Variants in SLC35G3 observed in about 807,000 individuals in gnomAD.
SLC35G3 encodes the protein solute carrier family 35 member G3.
In SLC35G3, 10 loss-of-function variants were observed where a neutral mutation model predicts 17.9. The ratio of observed to expected loss-of-function variants is 0.56; its 90% CI spans 0.34 to 0.95. SLC35G3 has a LOEUF of 0.95. Ranked by LOEUF, SLC35G3 falls within the 40% of genes least tolerant of loss-of-function variation. The pLI, the probability that SLC35G3 is intolerant of heterozygous loss-of-function variation, is 0.02. For missense variants in SLC35G3, 384 were observed against 433.6 expected, an observed-to-expected ratio of 0.89 and a Z score of 1.02; for synonymous variants, 208 against 197.7, an observed-to-expected ratio of 1.05 and a Z score of -0.44.
At position 35,193,058 on chromosome 17, in the gene SLC35G3, A is replaced by T. The variant is rs12947041; in HGVS notation, c.*233T>A. Reference sequence around the variant, plus strand: ...ATCTGCTCCTCAGACTTTACCCCTTAGTTATGCCCTGATTCTAGGACCCAG... The same window carrying T: ...ATCTGCTCCTCAGACTTTACCCCTTTGTTATGCCCTGATTCTAGGACCCAG... On this transcript the variant is annotated 3_prime_UTR_variant, in exon 1 of 1. Transcript: ENST00000297307. 1.3e-6 allele frequency: 1 copy of T among 746,094 alleles called. No homozygotes were observed. The highest frequency in any genetic ancestry group is 2.1e-6 in the Non-Finnish European group (1 of 472,354). 46.2% of individuals were successfully genotyped at this position (746,094 alleles called of 1,614,324 possible).
At position 35,193,838 on chromosome 17, in the gene SLC35G3, T is replaced by C; in HGVS notation, c.470A>G (p.Tyr157Cys). Reference sequence around the variant, plus strand: ...GCAGCCCAACAGTCCACACCAGTCGTAGCCACTGAGACCCTGGCTCTCAAG... The same window carrying C: ...GCAGCCCAACAGTCCACACCAGTCGCAGCCACTGAGACCCTGGCTCTCAAG... ...LCLESQGLSG[Y>C]DWCGLLGCIL... is the part of the protein sequence containing the mutation. Residue 157 changes from tyrosine to cysteine, a missense_variant, in exon 1 of 1, where the codon TAC becomes TGC. Transcript: ENST00000297307. 1 of 1,613,952 alleles carries C rather than the reference T, an allele frequency of 6.2e-7. No individual in the cohort carries two copies. The highest frequency in any genetic ancestry group is 8.5e-7 in the Non-Finnish European group (1 of 1,179,854).
rs757769989 is a variant in SLC35G3 at position 35,193,960 on chromosome 17, T to C, written c.348A>G (p.Gly116=). 2 of 1,613,936 alleles carry C rather than the reference T, an allele frequency of 1.2e-6. No individual in the cohort carries two copies. Among genetic ancestry groups the C allele is most frequent in the Admixed American group, 1.7e-5 (1 of 60,016 alleles). Residue 116 remains glycine (G), a synonymous_variant, in exon 1 of 1, where the codon GGA becomes GGG. Transcript: ENST00000297307. ...CCACCTGAACCGCACTGTAGGCACA[T>C]CCAATGCTGAGGATGTTGAGCAGGG... ...FCALLNILSI[G]CAYSAVQVVP... is the part of the protein sequence containing the mutation.
chr17:35,194,266 T>C lies in SLC35G3; in HGVS notation c.42A>G (p.Thr14=). 5.6e-6 allele frequency: 9 copies of C among 1,613,046 alleles called. No individual in the cohort carries two copies. The highest frequency in any genetic ancestry group is 7.6e-6 in the Non-Finnish European group (9 of 1,179,490). Residue 14 remains threonine (T), a synonymous_variant, in exon 1 of 1, where the codon ACA becomes ACG. Transcript: ENST00000297307. Reference sequence around the variant, plus strand: ...GTGGAGCGGAGGGCGGCGATGGGTGTGTGGAGTCAGGCTGGTTGAAATAGG... The same window carrying C: ...GTGGAGCGGAGGGCGGCGATGGGTGCGTGGAGTCAGGCTGGTTGAAATAGG... The part of the protein sequence containing the change: ...SHPYFNQPDS[T]HPSPPSAPPS...
At position 35,193,741 on chromosome 17, in the gene SLC35G3, G is replaced by A. The variant is rs774830729; in HGVS notation, c.567C>T (p.Thr189=). ...TLQEGTTGVY[T]ALGYVEAFLG... is the part of the protein sequence containing the mutation. The stretch of plus-strand genomic sequence containing the variant: ...GGAAAGCCTCCACATAGCCCAGGGC[G>A]GTGTAGACACCCGTGGTCCCCTCCT... Residue 189 remains threonine (T), a synonymous_variant, in exon 1 of 1, where the codon ACC becomes ACT. Transcript: ENST00000297307. 32 of 1,612,146 alleles carry A rather than the reference G, an allele frequency of 2.0e-5. No homozygotes were observed. Among genetic ancestry groups the A allele is most frequent in the Non-Finnish European group, 2.5e-5 (29 of 1,179,896 alleles).
chr17:35,193,465 C>A lies in SLC35G3; in HGVS notation c.843G>T (p.Leu281=), dbSNP rs776866246. The change falls in exon 1 of 1, where the codon CTG becomes CTT. Residue 281 remains leucine (L), a synonymous_variant. Coordinates refer to ENST00000297307, the MANE Select transcript of SLC35G3 (RefSeq NM_152462.2). The part of the protein sequence containing the change: ...GYAVTKAHPA[L]VCAVLHSEVV... ...CCTCGGAATGTAGGACAGCGCACAC[C>A]AGGGCAGGGTGGGCCTTGGTGACCG... 1.2e-6 allele frequency: 2 copies of A among 1,612,042 alleles called. No individual in the cohort carries two copies. Among genetic ancestry groups the A allele is most frequent in the Admixed American group, 1.7e-5 (1 of 60,026 alleles).
chr17:35,194,239 G>A lies in SLC35G3; in HGVS notation c.69C>T (p.Pro23=). The A allele has an allele frequency of 6.2e-7, 1 of 1,613,812 alleles. No homozygotes were observed. The highest frequency in any genetic ancestry group is 8.5e-7 in the Non-Finnish European group (1 of 1,179,908). Reference sequence around the variant, plus strand: ...GGCAGCGCTGGTACCAGCGGAGGCTGGGTGGAGCGGAGGGCGGCGATGGGT... The same window carrying A: ...GGCAGCGCTGGTACCAGCGGAGGCTAGGTGGAGCGGAGGGCGGCGATGGGT... ...STHPSPPSAP[P]SLRWYQRCQP... The change falls in exon 1 of 1, where the codon CCC becomes CCT. Residue 23 remains proline, a synonymous_variant. Coordinates refer to ENST00000297307, the MANE Select transcript of SLC35G3 (RefSeq NM_152462.2).
Position 35,193,273 on chromosome 17 carries a change from G to A in SLC35G3, c.*18C>T, listed in dbSNP as rs756528031. The A allele has an allele frequency of 2.3e-5, 37 of 1,611,504 alleles. No homozygotes were observed. Among genetic ancestry groups the A allele is most frequent in the African/African-American group, 2.7e-5 (2 of 74,712 alleles). ...TTTATCCCTGTCCCTCCCAACCCCCGGGCTCCCAAGTTCTATCTCACTCCT... is the reference window on the plus strand; with the variant it reads ...TTTATCCCTGTCCCTCCCAACCCCCAGGCTCCCAAGTTCTATCTCACTCCT... On this transcript the variant is annotated 3_prime_UTR_variant, in exon 1 of 1. Transcript: ENST00000297307.
rs1299683694 is a variant in SLC35G3 at position 35,193,660 on chromosome 17, G to A, written c.648C>T (p.Pro216=). The A allele has an allele frequency of 5.6e-6, 9 of 1,612,050 alleles. No individual in the cohort carries two copies. The highest frequency in any genetic ancestry group is 7.6e-6 in the Non-Finnish European group (9 of 1,179,864). ...RLLVYRSLHF[P]PCLPTVAFLS... ...GGAAGGCCACTGTTGGGAGGCAGGG[G>A]GGAAAGTGCAGAGAACGATAGACCA... The change falls in exon 1 of 1, where the codon CCC becomes CCT. Residue 216 remains proline, a synonymous_variant. Coordinates refer to ENST00000297307, the MANE Select transcript of SLC35G3 (RefSeq NM_152462.2).
Position 35,194,389 on chromosome 17 carries a change from T to G in SLC35G3, c.-82A>C. The G allele has an allele frequency of 6.6e-7, 1 of 1,519,074 alleles. No individual in the cohort carries two copies. Among genetic ancestry groups the G allele is most frequent in the Admixed American group, 2.3e-5 (1 of 42,746 alleles). 94.1% of individuals were successfully genotyped at this position (1,519,074 alleles called of 1,614,324 possible). A position where few individuals can be genotyped will look rare whatever the true frequency, so the allele number is the denominator to read the frequency against. ...TCCAGCCATTGTGACCTCATTGGAG[T>G]GGGGGTGGGATTCTTCCCTGGAACT... On this transcript the variant is annotated 5_prime_UTR_variant, in exon 1 of 1. Coordinates refer to ENST00000297307, the MANE Select transcript of SLC35G3 (RefSeq NM_152462.2).
At position 35,193,645 on chromosome 17, in the gene SLC35G3, T is replaced by G. The variant is rs780537188; in HGVS notation, c.663A>C (p.Thr221=). The G allele has an allele frequency of 1.2e-6, 2 of 1,612,008 alleles. No homozygotes were observed. Among genetic ancestry groups the G allele is most frequent in the Admixed American group, 3.3e-5 (2 of 60,022 alleles). Residue 221 remains threonine, a synonymous_variant, in exon 1 of 1, where the codon ACA becomes ACC. Transcript: ENST00000297307. ...CCACCAAGCCAGATAGGAAGGCCAC[T>G]GTTGGGAGGCAGGGGGGAAAGTGCA... ...RSLHFPPCLP[T]VAFLSGLVGL...
In SLC35G3 at chr17:35,193,938, C is replaced by G. The variant is rs374756312; in HGVS notation, c.370G>C (p.Val124Leu). 4 of 1,613,864 alleles carry G rather than the reference C, an allele frequency of 2.5e-6. No homozygotes were observed. The highest frequency in any genetic ancestry group is 3.4e-6 in the Non-Finnish European group (4 of 1,179,870). ...SIGCAYSAVQ[V>L]VPAGNAATVR... ...GTGGCAGCGTTGCCAGCGGGCACCA[C>G]CTGAACCGCACTGTAGGCACATCCA... is the stretch of plus-strand genomic sequence containing the variant. The change falls in exon 1 of 1, where the codon GTG becomes CTG. Residue 124 changes from valine to leucine, a missense_variant. Val to Leu is a conservative substitution (Grantham distance 32, BLOSUM62 1). Coordinates refer to ENST00000297307, the MANE Select transcript of SLC35G3 (RefSeq NM_152462.2).
chr17:35,193,964 A>G lies in SLC35G3; in HGVS notation c.344T>C (p.Ile115Thr), dbSNP rs149640621. The G allele has an allele frequency of 4.3e-6, 7 of 1,613,900 alleles. No individual in the cohort carries two copies. The African/African-American group carries it at 5.3e-5, about 12-fold the overall frequency. Residue 115 changes from isoleucine (I) to threonine (T), a missense_variant, in exon 1 of 1, where the codon ATT becomes ACT. Physicochemically the swap from Ile to Thr is moderately conservative, Grantham distance 89. Coordinates refer to ENST00000297307, the MANE Select transcript of SLC35G3 (RefSeq NM_152462.2). Reference protein sequence around the residue: ...FFCALLNILSIGCAYSAVQVV... With the variant: ...FFCALLNILSTGCAYSAVQVV... ...CTGAACCGCACTGTAGGCACATCCA[A>G]TGCTGAGGATGTTGAGCAGGGCACA...
chr17:35,193,292 C>G lies in SLC35G3; in HGVS notation c.1016G>C (p.Ter339SerextTer14), dbSNP rs2092333360. The G allele has an allele frequency of 6.2e-7, 1 of 1,611,890 alleles. No individual in the cohort carries two copies. The highest frequency in any genetic ancestry group is 8.5e-7 in the Non-Finnish European group (1 of 1,179,870). Residue 339 changes from the stop codon to serine (S), a stop_lost, in exon 1 of 1, where the codon TGA (stop) becomes TCA (serine). Transcript: ENST00000297307. Reference sequence around the variant, plus strand: ...ACCCCCGGGCTCCCAAGTTCTATCTCACTCCTCCACCCTCCCTGTCCTCTC... The same window carrying G: ...ACCCCCGGGCTCCCAAGTTCTATCTGACTCCTCCACCCTCCCTGTCCTCTC... ...SCERTGRVEE[*>S]
Position 35,194,208 on chromosome 17 carries a change from A to T in SLC35G3, c.100T>A (p.Ser34Thr). Reference sequence around the variant, plus strand: ...ACCAGCAGGCCACTGGTGGCATCAGAGGGCTGGCAGCGCTGGTACCAGCGG... The same window carrying T: ...ACCAGCAGGCCACTGGTGGCATCAGTGGGCTGGCAGCGCTGGTACCAGCGG... The part of the protein sequence containing the change: ...SLRWYQRCQP[S>T]DATSGLLVAL... The change falls in exon 1 of 1, where the codon TCT becomes ACT. Residue 34 changes from serine to threonine, a missense_variant. Transcript: ENST00000297307. 2 of 1,613,760 alleles carry T rather than the reference A, an allele frequency of 1.2e-6. No homozygotes were observed. The highest frequency in any genetic ancestry group is 1.7e-6 in the Non-Finnish European group (2 of 1,179,986).
Position 35,193,454 on chromosome 17 carries a change from A to G in SLC35G3, c.854T>C (p.Val285Ala). The G allele has an allele frequency of 6.2e-7, 1 of 1,612,048 alleles. No individual in the cohort carries two copies. The highest frequency in any genetic ancestry group is 8.5e-7 in the Non-Finnish European group (1 of 1,179,856). Residue 285 changes from valine to alanine, a missense_variant, in exon 1 of 1, where the codon GTC becomes GCC. Val to Ala is a moderately conservative substitution (Grantham distance 64). Coordinates refer to ENST00000297307, the MANE Select transcript of SLC35G3 (RefSeq NM_152462.2). ...GGCCACAACCACCTCGGAATGTAGG[A>G]CAGCGCACACCAGGGCAGGGTGGGC... ...TKAHPALVCA[V>A]LHSEVVVALI...
Position 35,193,398 on chromosome 17 carries a change from T to C in SLC35G3, c.910A>G (p.Thr304Ala). ...LILQYYMLHETVAPSDIVAAG... is the reference protein window; with the variant it reads ...LILQYYMLHEAVAPSDIVAAG... ...GCCACGATGTCAGAAGGTGCCACAGTCTCATGGAGCATATAATACTGCAGT... is the reference window on the plus strand; with the variant it reads ...GCCACGATGTCAGAAGGTGCCACAGCCTCATGGAGCATATAATACTGCAGT... Residue 304 changes from threonine (T) to alanine (A), a missense_variant, in exon 1 of 1, where the codon ACT becomes GCT. Physicochemically the swap from Thr to Ala is moderately conservative, Grantham distance 58. Coordinates refer to ENST00000297307, the MANE Select transcript of SLC35G3 (RefSeq NM_152462.2). 1.9e-6 allele frequency: 3 copies of C among 1,611,890 alleles called. No homozygotes were observed. The highest frequency in any genetic ancestry group is 2.5e-6 in the Non-Finnish European group (3 of 1,179,834).
rs1177731289 is a variant in SLC35G3 at position 35,193,048 on chromosome 17, T to A, written c.*243A>T. On this transcript the variant is annotated 3_prime_UTR_variant, in exon 1 of 1. Coordinates refer to ENST00000297307, the MANE Select transcript of SLC35G3 (RefSeq NM_152462.2). ...AGCCCTTTGGATCTGCTCCTCAGAC[T>A]TTACCCCTTAGTTATGCCCTGATTC... 1 of 708,932 alleles carries A rather than the reference T, an allele frequency of 1.4e-6. No homozygotes were observed. The highest frequency in any genetic ancestry group is 2.3e-6 in the Non-Finnish European group (1 of 440,312). The allele number at this position is 708,932 out of a possible 1,614,324, so 43.9% of individuals were successfully genotyped here.
Position 35,193,509 on chromosome 17 carries a change from A to G in SLC35G3, c.799T>C (p.Phe267Leu), listed in dbSNP as rs1194559849. 1 of 1,611,918 alleles carries G rather than the reference A, an allele frequency of 6.2e-7. No homozygotes were observed. The highest frequency in any genetic ancestry group is 8.5e-7 in the Non-Finnish European group (1 of 1,179,862). ...GAVGILALVS[F>L]TCVGYAVTKA... ...GTGACCGCATAGCCCACACATGTGA[A>G]GGAGACCAAGGCGAGGATCCCCACT... The change falls in exon 1 of 1, where the codon TTC (phenylalanine) becomes CTC (leucine). Residue 267 changes from phenylalanine (F) to leucine (L), a missense_variant. Physicochemically the swap from Phe to Leu is conservative, Grantham distance 22 (BLOSUM62 0). Coordinates refer to ENST00000297307, the MANE Select transcript of SLC35G3 (RefSeq NM_152462.2).
At position 35,193,209 on chromosome 17, in the gene SLC35G3, C is replaced by T; in HGVS notation, c.*82G>A. 1 of 1,591,028 alleles carries T rather than the reference C, an allele frequency of 6.3e-7. No homozygotes were observed. ...TCTCCCACACCAGTTCTTTTCCAGT[C>T]ACTTCTCCTCCCATGTTTGTCTTCA... On this transcript the variant is annotated 3_prime_UTR_variant, in exon 1 of 1. Coordinates refer to ENST00000297307, the MANE Select transcript of SLC35G3 (RefSeq NM_152462.2).
Sources: gnomAD v4.1 joint callset for allele counts on GRCh38, gnomAD v4.1.1 for gene constraint, MANE v1.5 for transcripts, NCBI Gene and HGNC (gene_info 2026-07-23, HGNC 2026-07-21) for gene names.